The following CACNA1A variants were observed in gnomAD, a reference collection of about 807,000 sequenced individuals.
The protein encoded by CACNA1A is voltage-dependent P/Q-type calcium channel subunit alpha-1A.
In CACNA1A, 57 loss-of-function variants were observed where a neutral mutation model predicts 262.4. The ratio of observed to expected loss-of-function variants is 0.22; its 90% CI spans 0.18 to 0.27. The LOEUF (loss-of-function observed/expected upper bound fraction) is 0.27. Among genes scored for constraint, CACNA1A ranks in the 10% least tolerant of loss-of-function variants. The probability of loss-of-function intolerance (pLI) is 1.00; values close to 1 mark genes in which losing one functional copy is unlikely to be tolerated. For synonymous variants in CACNA1A, 1,431 were observed against 1,419.3 expected, an observed-to-expected ratio of 1.01 and a Z score of -0.18; for missense variants, 2,526 against 3,562.8, an observed-to-expected ratio of 0.71 and a Z score of 7.41.
At chr19:13,302,141 C>T (rs1476621460) in intron 17 of CACNA1A, among the ~76,000 whole-genome samples, 5 of 152,192 alleles carry the variant, frequency 3.3e-5, no homozygotes, top group Admixed American at 1.3e-4. Flanking sequence ...AGCTCCACAA[C>T]TTACTGCTGT....
chr19:13,415,750 A>AAAAAAAAAAAAAAAAAAAAAAAAAAAAC (rs2060209175), intron 3 of CACNA1A, among the ~76,000 whole-genome samples: 1 of 126,920 alleles, frequency 7.9e-6, no homozygotes, highest in Non-Finnish European at 1.6e-5. Flanking sequence ...AATTAAAAAA[A>AAAAAAAAAAAAAAAAAAAAAAAAAAAAC]AAAAAAAAAA....
rs561639947 is a variant in CACNA1A, at chr19:13,481,078, C to T, written c.293+24854G>A. Among the ~76,000 whole-genome samples the T allele has an allele frequency of 2.6e-5, 4 of 152,256 alleles. No individual in the cohort carries two copies. In the South Asian group the frequency reaches 8.3e-4, roughly 32 times the overall value. On this transcript the variant is annotated intron_variant, in intron 1 of 46. Coordinates refer to ENST00000360228, the MANE Select transcript of CACNA1A (RefSeq NM_001127222.2). Reference sequence around the variant, plus strand: ...CTCTTTTTGTTACACGGGATGATAACAGTACCCACCCCTCAGGGCACTGAA... The same window carrying T: ...CTCTTTTTGTTACACGGGATGATAATAGTACCCACCCCTCAGGGCACTGAA...
chr19:13,251,206 G>A (rs1034715360), intron 30 of CACNA1A, among the ~76,000 whole-genome samples: 4 of 151,012 alleles, frequency 2.6e-5, no homozygotes, highest in Non-Finnish European at 2.9e-5. Flanking sequence ...TGAGTAGGCC[G>A]GGTGCGGTGG....
chr19:13,349,921 G>A (rs547632850), intron 6 of CACNA1A, among the ~76,000 whole-genome samples: 1 of 152,292 alleles, frequency 6.6e-6, no homozygotes, highest in Admixed American at 6.5e-5. Context: ...GCCTTCTCTG[G>A]CCCAGGAAGG....
intron 3 of CACNA1A, among the ~76,000 whole-genome samples, chr19:13,430,310 G>A (rs1273177523): frequency 1.3e-5 from 2 of 152,036 alleles, no homozygotes; most frequent in South Asian, 4.1e-4. Context: ...GGGTTCAAGC[G>A]ATTCTCCTGC....
rs556283590 is a variant in CACNA1A, at chr19:13,319,791, C to T, written c.1346-2470G>A. Among the ~76,000 whole-genome samples the T allele has an allele frequency of 7.2e-5, 11 of 152,292 alleles. No individual in the cohort carries two copies. The East Asian group carries it at 1.5e-3, about 21-fold the overall frequency. ...GGCACTGCAGGGAACATGTTTTATACGACAAGCTACTTACTCCTGCTCAGA... is the reference window on the plus strand; with the variant it reads ...GGCACTGCAGGGAACATGTTTTATATGACAAGCTACTTACTCCTGCTCAGA... On this transcript the variant is annotated intron_variant, in intron 10 of 46. Coordinates refer to ENST00000360228, the MANE Select transcript of CACNA1A (RefSeq NM_001127222.2).
intron 3 of CACNA1A, among the ~76,000 whole-genome samples, chr19:13,384,722 T>C (rs560195805): frequency 3.3e-5 from 5 of 151,868 alleles, no homozygotes; most frequent in East Asian, 1.9e-4. Flanking sequence ...CCAAAAACAA[T>C]AGCAACAACA....
At chr19:13,213,477 G>A (rs1258273846) in intron 40 of CACNA1A, among the ~76,000 whole-genome samples, 3 of 152,080 alleles carry the variant, frequency 2.0e-5, no homozygotes, top group East Asian at 3.9e-4. Context: ...GATGTTGCAC[G>A]ATTCAGTCAT....
chr19:13,369,185 T>C (rs77441939), intron 4 of CACNA1A, among the ~76,000 whole-genome samples: 8,115 of 152,234 alleles, frequency 0.053, 420 homozygotes, highest in African/African-American at 0.14. Context: ...TGGATGTTGG[T>C]TGCTAATGCC....
chr19:13,286,530 G>T lies in CACNA1A; in HGVS notation c.3526C>A (p.Pro1176Thr), dbSNP rs1458640910. The change falls in exon 20 of 47, where the codon CCC becomes ACC. Residue 1176 changes from proline (P) to threonine (T), a missense_variant. Pro to Thr is a conservative substitution (Grantham distance 38). Around this residue, in one of 17 missense-constraint regions of CACNA1A, gnomAD observed 765 missense variants for 748.6 expected, o/e 1.02. Coordinates refer to ENST00000360228, the MANE Select transcript of CACNA1A (RefSeq NM_001127222.2). ...TTVDIPPACP[P>T]PLNHTVVQVN... ...TGTACGACGGTGTGGTTGAGGGGGGGTGGGCAGGCTGGGGGGATGTCCACT... is the reference window on the plus strand; with the variant it reads ...TGTACGACGGTGTGGTTGAGGGGGGTTGGGCAGGCTGGGGGGATGTCCACT... 5.4e-6 allele frequency: 8 copies of T among 1,489,978 alleles called. No individual in the cohort carries two copies. The highest frequency in any genetic ancestry group is 1.4e-5 in the African/African-American group (1 of 70,980). The allele number at this position is 1,489,978 out of a possible 1,614,324, so 92.3% of individuals were successfully genotyped here. A position where few individuals can be genotyped will look rare whatever the true frequency, so the allele number is the denominator to read the frequency against.
chr19:13,389,436 T>C (rs573183226), intron 3 of CACNA1A, among the ~76,000 whole-genome samples: 2 of 152,080 alleles, frequency 1.3e-5, no homozygotes, highest in Admixed American at 6.6e-5. Context: ...CCTGGGGACA[T>C]AAGCGCTGAT....
intron 35 of CACNA1A, 90 bp downstream of exon 35, chr19:13,231,620 G>A (rs1430929005): frequency 1.2e-5 from 17 of 1,369,208 alleles, no homozygotes; most frequent in South Asian, 6.5e-5. Context: ...ACAAGCCTTC[G>A]ACACAGCCAC....
intron 11 of CACNA1A, 61 bp from the exon 12 acceptor site, chr19:13,312,842 G>A (rs1184931167): frequency 1.2e-6 from 1 of 823,772 alleles, no homozygotes; most frequent in Admixed American, 2.9e-5. Context: ...GGGGTTCCAG[G>A]TGGCTCTGAC....
Position 13,212,599 on chromosome 19 carries a change from C to A in CACNA1A, c.6050+32G>T. ...GAACGTGGGGACCACGGCACCCCCA[C>A]ACTCCACCTCCCTGGCAGGGGTGAC... On this transcript the variant is annotated intron_variant, in intron 41 of 46. Transcript: ENST00000360228. This position sits in a 1 kb window ranked among gnomAD's most constrained non-coding sequence, Gnocchi z 5.6. 1 of 1,507,662 alleles carries A rather than the reference C, an allele frequency of 6.6e-7. No individual in the cohort carries two copies. The highest frequency in any genetic ancestry group is 8.9e-7 in the Non-Finnish European group (1 of 1,121,276). 93.4% of individuals were successfully genotyped at this position (1,507,662 alleles called of 1,614,324 possible). A position where few individuals can be genotyped will look rare whatever the true frequency, so the allele number is the denominator to read the frequency against.
intron 3 of CACNA1A, among the ~76,000 whole-genome samples, chr19:13,434,604 C>T (rs2060578088): frequency 1.3e-5 from 2 of 152,076 alleles, no homozygotes; most frequent in East Asian, 3.9e-4. Flanking sequence ...TCTCTCTCTT[C>T]CTCCTGTTCT....
chr19:13,434,452 A>C (rs2060575644), intron 3 of CACNA1A, among the ~76,000 whole-genome samples: 1 of 152,184 alleles, frequency 6.6e-6, no homozygotes. Context: ...CTTATGGCGA[A>C]TTGTAATCCC....
chr19:13,213,063 C>T (rs1196928123), intron 40 of CACNA1A, among the ~76,000 whole-genome samples: 1 of 152,114 alleles, frequency 6.6e-6, no homozygotes, highest in Admixed American at 6.6e-5. Flanking sequence ...GGTCCTATCC[C>T]TCCTTTGCTT....
chr19:13,312,796 G>A lies in CACNA1A; in HGVS notation c.1556-15C>T. Reference sequence around the variant, plus strand: ...TTCTGCATAGTCTAGAAGGGAGAAGGAGGAAACAGAGAGGAGGTTAGGCTT... The same window carrying A: ...TTCTGCATAGTCTAGAAGGGAGAAGAAGGAAACAGAGAGGAGGTTAGGCTT... On this transcript the variant is annotated splice_polypyrimidine_tract_variant and intron_variant, in intron 11 of 46. Transcript: ENST00000360228. 7.3e-7 allele frequency: 1 copy of A among 1,378,888 alleles called. No homozygotes were observed. The highest frequency in any genetic ancestry group is 1.0e-6 in the Non-Finnish European group (1 of 1,002,532). The allele number at this position is 1,378,888 out of a possible 1,614,324, so 85.4% of individuals were successfully genotyped here. A position where few individuals can be genotyped will look rare whatever the true frequency, so the allele number is the denominator to read the frequency against.
chr19:13,286,970 AGGAAGGCAAGT>A lies in CACNA1A; in HGVS notation c.3090-15_3090-5del. 1 of 1,576,876 alleles carries A rather than the reference AGGAAGGCAAGT, an allele frequency of 6.3e-7. No individual in the cohort carries two copies. The highest frequency in any genetic ancestry group is 1.1e-5 in the South Asian group (1 of 87,274). On this transcript the variant is annotated splice_polypyrimidine_tract_variant and splice_region_variant and intron_variant, in intron 19 of 46. Transcript: ENST00000360228. ...GACCCCGGAGCCCTGGTTCTCTCTGAGGAAGGCAAGTGAATGAAAAAGAACCAACAACTGAT... is the reference window on the plus strand; with the variant it reads ...GACCCCGGAGCCCTGGTTCTCTCTGAGAATGAAAAAGAACCAACAACTGAT...
Sources: gnomAD v4.1 joint callset for allele counts (sites outside exome capture counted in the v4.1 genomes callset) on GRCh38, gnomAD v4.1.1 for gene constraint, gnomAD v4.1.1 regional missense constraint, Gnocchi (gnomAD v3.1) non-coding constraint, MANE v1.5 for transcripts, NCBI Gene and HGNC (gene_info 2026-07-23, HGNC 2026-07-21) for gene names.